EXD1: variants seen among roughly 807,000 people sequenced by gnomAD.
EXD1 encodes piRNA biogenesis protein EXD1.
Under a neutral mutation model 49.1 loss-of-function variants are expected in EXD1, and 63 were observed. The observed-to-expected ratio is 1.28, with a 90% CI of 1.05 to 1.58. The LOEUF (loss-of-function observed/expected upper bound fraction) is 1.58. Ranked by LOEUF, EXD1 falls within the 40% of genes most tolerant of loss-of-function variation. The pLI is 0.00. For missense variants in EXD1, 748 were observed against 666.0 expected (o/e 1.12, Z -1.36); for synonymous variants, 234 against 239.2 (o/e 0.98, Z 0.20).
chr15:41,201,539 G>A (rs1357865368), intron 7 of EXD1, among the ~76,000 whole-genome samples: 3 of 146,510 alleles, frequency 2.0e-5, no homozygotes, highest in African/African-American at 7.6e-5. Context: ...ACCCAGGCTG[G>A]AGTGCAGTGG....
At chr15:41,219,034 C>G (rs1358390045) in intron 3 of EXD1, among the ~76,000 whole-genome samples, 2 of 152,276 alleles carry the variant, frequency 1.3e-5, no homozygotes, top group Non-Finnish European at 2.9e-5. Flanking sequence ...TCCACCCCTT[C>G]TATCCAGCTC....
At chr15:41,189,234 G>T (rs2046465520) in intron 11 of EXD1, among the ~76,000 whole-genome samples, 1 of 151,268 alleles carries the variant, frequency 6.6e-6, no homozygotes, top group Admixed American at 6.6e-5. Context: ...AGGGCATGGT[G>T]GCAGGTGCCT....
At chr15:41,184,803 T>C (rs1487310085) in intron 11 of EXD1, among the ~76,000 whole-genome samples, 4 of 151,932 alleles carry the variant, frequency 2.6e-5, no homozygotes, top group African/African-American at 7.2e-5. Context: ...TACAGGCGCC[T>C]GCCACCACGC....
Position 41,184,131 on chromosome 15 carries a change from G to A in EXD1, c.1519C>T (p.Gln507Ter), listed in dbSNP as rs1377710280. Residue 507 changes from glutamine (Q) to a stop codon, truncating the protein, a stop_gained, in exon 12 of 12, where the codon CAG (glutamine) becomes TAG (stop). Coordinates refer to ENST00000458580, the MANE Select transcript of EXD1 (RefSeq NM_001286441.2). LOFTEE classifies it low-confidence loss of function (END_TRUNC). Reference sequence around the variant, plus strand: ...TCCTTGTTTTCCACCATCAATAACTGTTCTGTCTCCTCTTTCAAAGATAAA... The same window carrying A: ...TCCTTGTTTTCCACCATCAATAACTATTCTGTCTCCTCTTTCAAAGATAAA... ...ASLSLKEETE[Q>*]LLMVENKEDL... is the part of the protein sequence containing the mutation. The A allele has an allele frequency of 1.2e-6, 2 of 1,614,166 alleles. No individual in the cohort carries two copies. Among genetic ancestry groups the A allele is most frequent in the Non-Finnish European group, 1.7e-6 (2 of 1,180,020 alleles).
At chr15:41,199,049 T>G (rs1307121516) in intron 7 of EXD1, among the ~76,000 whole-genome samples, 3 of 151,890 alleles carry the variant, frequency 2.0e-5, no homozygotes, top group Non-Finnish European at 4.4e-5. Context: ...CTGCAACCTC[T>G]GCCTCCTGGG....
intron 1 of EXD1, among the ~76,000 whole-genome samples, chr15:41,228,129 A>G (rs542786950): frequency 6.6e-6 from 1 of 152,354 alleles, no homozygotes; most frequent in South Asian, 2.1e-4. Context: ...AAGTTAATTT[A>G]GAACTATTCT....
chr15:41,219,987 G>T, intron 2 of EXD1, 89 bp from the exon 3 acceptor site: 9 of 924,448 alleles, frequency 9.7e-6, no homozygotes, highest in Non-Finnish European at 9.4e-6. Flanking sequence ...TCCCAAGTCT[G>T]AGTTGTATTT....
intron 3 of EXD1, among the ~76,000 whole-genome samples, chr15:41,219,038 C>A (rs1310810483): frequency 6.6e-6 from 1 of 152,116 alleles, no homozygotes; most frequent in Non-Finnish European, 1.5e-5. Context: ...CCCCTTCTAT[C>A]CAGCTCCTGA....
At chr15:41,214,049 C>A (rs1438144487) in intron 6 of EXD1, among the ~76,000 whole-genome samples, 1 of 152,104 alleles carries the variant, frequency 6.6e-6, no homozygotes, top group Non-Finnish European at 1.5e-5. Flanking sequence ...CGCCTGTAGT[C>A]CCAGCTACTC....
chr15:41,220,521 G>A (rs1320480021), intron 2 of EXD1, among the ~76,000 whole-genome samples: 1 of 152,104 alleles, frequency 6.6e-6, no homozygotes, highest in Non-Finnish European at 1.5e-5. Flanking sequence ...GCCTCCCAAA[G>A]TGCTGGGATT....
intron 9 of EXD1, among the ~76,000 whole-genome samples, chr15:41,192,487 G>A (rs925230839): frequency 1.3e-5 from 2 of 151,414 alleles, no homozygotes; most frequent in African/African-American, 2.4e-5. Flanking sequence ...AGTGCAGACA[G>A]GGTTTCACCA....
At chr15:41,224,607 AG>A (rs2047134613) in intron 2 of EXD1, among the ~76,000 whole-genome samples, 1 of 152,134 alleles carries the variant, frequency 6.6e-6, no homozygotes, top group African/African-American at 2.4e-5. Flanking sequence ...ACATTAAATC[AG>A]AAAAAAAATA....
At chr15:41,221,297 G>T (rs2047085061) in intron 2 of EXD1, among the ~76,000 whole-genome samples, 1 of 152,020 alleles carries the variant, frequency 6.6e-6, no homozygotes, top group Non-Finnish European at 1.5e-5. Context: ...ATTGAGATAG[G>T]GTCTTACTCT....
Position 41,183,887 on chromosome 15 carries a change from G to A in EXD1, c.*44C>T, listed in dbSNP as rs1425523034. On this transcript the variant is annotated 3_prime_UTR_variant, in exon 12 of 12. Transcript: ENST00000458580. ...CACTGTGGAAAGCCCTGATGGCAAA[G>A]GAAATAAGCCATCTGTATGGCCTTA... 6.6e-7 allele frequency: 1 copy of A among 1,517,396 alleles called. No homozygotes were observed. Among genetic ancestry groups the A allele is most frequent in the African/African-American group, 1.4e-5 (1 of 71,660 alleles). The allele number at this position is 1,517,396 out of a possible 1,614,324, so 94.0% of individuals were successfully genotyped here.
rs59054803 is a variant in EXD1 at position 41,192,594 on chromosome 15, A to ATTTTTTTTTTTTTTTTTTT, written c.721-1028_721-1010dup. ...ACAGGCGTGAACCACTGCGCCAGGC[A>ATTTTTTTTTTTTTTTTTTT]TTTTTTTTTTTTTTTTTTTTTTTTT... On this transcript the variant is annotated intron_variant, in intron 9 of 11. Coordinates refer to ENST00000458580, the MANE Select transcript of EXD1 (RefSeq NM_001286441.2). 6.4e-4 allele frequency among the ~76,000 whole-genome samples: 26 copies of ATTTTTTTTTTTTTTTTTTT among 40,838 alleles called. 10 individuals carry two copies. Among genetic ancestry groups the ATTTTTTTTTTTTTTTTTTT allele is most frequent in the South Asian group, 2.0e-3 (4 of 2,016 alleles). 26.8% of individuals were successfully genotyped at this position (40,838 alleles called of 152,430 possible).
intron 7 of EXD1, among the ~76,000 whole-genome samples, chr15:41,203,732 C>G (rs1295024762): frequency 6.6e-6 from 1 of 151,478 alleles, no homozygotes; most frequent in Non-Finnish European, 1.5e-5. Flanking sequence ...GCCTGCCCAA[C>G]ATGGTGAAAC....
intron 7 of EXD1, among the ~76,000 whole-genome samples, chr15:41,199,692 A>T (rs1411998152): frequency 2.1e-5 from 2 of 93,832 alleles, no homozygotes; most frequent in African/African-American, 9.4e-5. Flanking sequence ...TATATATGAG[A>T]TATATTACAT....
In EXD1 at chr15:41,183,899, T is replaced by C; in HGVS notation, c.*32A>G. On this transcript the variant is annotated 3_prime_UTR_variant, in exon 12 of 12. Transcript: ENST00000458580. Reference sequence around the variant, plus strand: ...CCCTGATGGCAAAGGAAATAAGCCATCTGTATGGCCTTAAGAACAAACTGC... The same window carrying C: ...CCCTGATGGCAAAGGAAATAAGCCACCTGTATGGCCTTAAGAACAAACTGC... The C allele has an allele frequency of 6.5e-7, 1 of 1,533,338 alleles. No individual in the cohort carries two copies. The highest frequency in any genetic ancestry group is 8.7e-7 in the Non-Finnish European group (1 of 1,143,316). 95.0% of individuals were successfully genotyped at this position (1,533,338 alleles called of 1,614,324 possible).
chr15:41,215,935 C>T, intron 5 of EXD1, 102 bp from the exon 6 acceptor site: 1 of 1,171,440 alleles, frequency 8.5e-7, no homozygotes, highest in Non-Finnish European at 1.3e-6. Context: ...TGTATTGCAA[C>T]TCAAATACCC....
Sources: gnomAD v4.1 joint callset for allele counts (sites outside exome capture counted in the v4.1 genomes callset) on GRCh38, gnomAD v4.1.1 for gene constraint, MANE v1.5 for transcripts, NCBI Gene and HGNC (gene_info 2026-07-23, HGNC 2026-07-21) for gene names.